The following NOS1AP variants were observed in gnomAD, a reference collection of about 807,000 sequenced individuals.
NOS1AP encodes the protein carboxyl-terminal PDZ ligand of neuronal nitric oxide synthase protein.
Under a neutral mutation model 56.2 loss-of-function variants are expected in NOS1AP, and 21 were observed. The ratio of observed to expected loss-of-function variants is 0.37; its 90% CI spans 0.26 to 0.54. NOS1AP has a LOEUF of 0.54. Among genes scored for constraint, NOS1AP ranks in the 20% least tolerant of loss-of-function variants. NOS1AP has a pLI of 0.84. For synonymous variants in NOS1AP, 270 were observed against 274.6 expected (o/e 0.98, Z 0.17); for missense variants, 522 against 657.8 (o/e 0.79, Z 2.26).
chr1:162,277,419 C>T (rs1003619329), intron 2 of NOS1AP, among the ~76,000 whole-genome samples: 1 of 151,848 alleles, frequency 6.6e-6, no homozygotes, highest in Non-Finnish European at 1.5e-5. Context: ...TCATACCTTT[C>T]ATTATACCAC....
intron 2 of NOS1AP, among the ~76,000 whole-genome samples, chr1:162,219,296 G>T (rs891359112): frequency 6.6e-6 from 1 of 152,210 alleles, no homozygotes; most frequent in African/African-American, 2.4e-5. Context: ...ATTAGTAGCA[G>T]TCGTCTCTAA....
At position 162,188,362 on chromosome 1, in the gene NOS1AP, T is replaced by C. The variant is rs1651508837; in HGVS notation, c.177+33886T>C. Among the ~76,000 whole-genome samples the C allele has an allele frequency of 6.6e-6, 1 of 152,208 alleles. No homozygotes were observed. Among genetic ancestry groups the C allele is most frequent in the South Asian group, 2.1e-4 (1 of 4,830 alleles). ...CTTCTCTATATTTCTGTTGCTGGAA[T>C]TGGGCTCACACACTGTCTCTTTATA... On this transcript the variant is annotated intron_variant, in intron 2 of 9. Coordinates refer to ENST00000361897, the MANE Select transcript of NOS1AP (RefSeq NM_014697.3). This position sits in a 1 kb window ranked among gnomAD's most constrained non-coding sequence, Gnocchi z 4.0.
intron 2 of NOS1AP, among the ~76,000 whole-genome samples, chr1:162,224,089 T>C (rs1652869342): frequency 6.6e-6 from 1 of 152,052 alleles, no homozygotes; most frequent in Non-Finnish European, 1.5e-5. Flanking sequence ...TTAAAGGCTG[T>C]AGAGTCATTA....
At chr1:162,150,008 T>C (rs1481544482) in intron 1 of NOS1AP, among the ~76,000 whole-genome samples, 1 of 152,258 alleles carries the variant, frequency 6.6e-6, no homozygotes, top group Non-Finnish European at 1.5e-5. Flanking sequence ...CTTTCTGTTA[T>C]TTTTAAATGT....
chr1:162,178,605 C>T (rs988980927), intron 2 of NOS1AP, among the ~76,000 whole-genome samples: 2 of 152,160 alleles, frequency 1.3e-5, no homozygotes, highest in African/African-American at 2.4e-5. Flanking sequence ...ACACTCATCC[C>T]TCCTGATGCC....
Position 162,153,214 on chromosome 1 carries a change from C to T in NOS1AP, c.106-1191C>T, listed in dbSNP as rs189507087. 2.7e-4 allele frequency among the ~76,000 whole-genome samples: 41 copies of T among 152,324 alleles called. No individual in the cohort carries two copies. In the South Asian group the frequency reaches 6.6e-3, roughly 25 times the overall value. On this transcript the variant is annotated intron_variant, in intron 1 of 9. Coordinates refer to ENST00000361897, the MANE Select transcript of NOS1AP (RefSeq NM_014697.3). ...CACGATCTCAGCTCAGTGCAACCTC[C>T]GCCTCCTGGGTTCAAGCAATTCTCA...
chr1:162,200,954 G>A (rs1388249795), intron 2 of NOS1AP, among the ~76,000 whole-genome samples: 5 of 152,126 alleles, frequency 3.3e-5, no homozygotes, highest in East Asian at 1.9e-4. Context: ...GGTTTGTTAC[G>A]TAGGTAAACA....
intron 1 of NOS1AP, among the ~76,000 whole-genome samples, chr1:162,129,045 T>C (rs1382639629): frequency 6.6e-6 from 1 of 152,180 alleles, no homozygotes; most frequent in Non-Finnish European, 1.5e-5. Flanking sequence ...AAGTAATACA[T>C]TGTTGTATGC....
intron 8 of NOS1AP, chr1:162,364,021 G>C (rs1391697407): frequency 1.0e-6 from 1 of 985,428 alleles, no homozygotes; most frequent in Non-Finnish European, 1.2e-6. Flanking sequence ...TCTGAGTGCT[G>C]GTTGCTGGGA....
intron 2 of NOS1AP, among the ~76,000 whole-genome samples, chr1:162,214,162 G>A (rs768523348): frequency 2.0e-4 from 30 of 152,206 alleles, no homozygotes; most frequent in Non-Finnish European, 7.3e-5. Context: ...TGGTGTGCCT[G>A]TGGGACCAGA....
At chr1:162,164,110 G>A (rs1402015409) in intron 2 of NOS1AP, among the ~76,000 whole-genome samples, 2 of 152,182 alleles carry the variant, frequency 1.3e-5, no homozygotes, top group Admixed American at 6.5e-5. Context: ...ATGTTATTGA[G>A]TTTCCACGGG....
chr1:162,333,132 A>C lies in NOS1AP; in HGVS notation c.453+7A>C, dbSNP rs1009640095. The stretch of plus-strand genomic sequence containing the variant: ...CTTTAAATCCAAGAAGAAGGTAAAG[A>C]GGCGGTTGCCGTCCATCTGCTATTT... On this transcript the variant is annotated splice_region_variant and intron_variant, in intron 5 of 9. Transcript: ENST00000361897. 1.5e-5 allele frequency: 24 copies of C among 1,596,446 alleles called. No homozygotes were observed. Among genetic ancestry groups the C allele is most frequent in the Admixed American group, 1.3e-4 (8 of 59,948 alleles).
chr1:162,316,698 C>T (rs555498219), intron 4 of NOS1AP, among the ~76,000 whole-genome samples: 6 of 152,068 alleles, frequency 3.9e-5, no homozygotes, highest in African/African-American at 1.4e-4. Context: ...GAGTTAAGAG[C>T]AATGTTTTAG....
intron 6 of NOS1AP, among the ~76,000 whole-genome samples, chr1:162,349,555 C>G (rs188324680): frequency 1.7e-4 from 26 of 152,348 alleles, no homozygotes; most frequent in Non-Finnish European, 3.1e-4. Flanking sequence ...ATTTCATGCT[C>G]TCTCTGGAGC....
intron 2 of NOS1AP, among the ~76,000 whole-genome samples, chr1:162,178,907 T>G (rs951831532): frequency 1.3e-5 from 2 of 152,192 alleles, no homozygotes; most frequent in African/African-American, 4.8e-5. Flanking sequence ...ACTAGTTTAG[T>G]CCGTCTTATA....
chr1:162,235,140 C>CTT (rs11448599), intron 2 of NOS1AP, among the ~76,000 whole-genome samples: 68 of 150,774 alleles, frequency 4.5e-4, no homozygotes, highest in Admixed American at 3.3e-3. Context: ...CATTTTAAAA[C>CTT]TTTTTTTTTT....
chr1:162,322,824 G>A (rs747106481), intron 4 of NOS1AP, among the ~76,000 whole-genome samples: 1 of 152,144 alleles, frequency 6.6e-6, no homozygotes, highest in Non-Finnish European at 1.5e-5. Context: ...TGTAACATGG[G>A]ACTAATTTCT....
chr1:162,367,219 T>C lies in NOS1AP; in HGVS notation c.1273T>C (p.Leu425=). 1 of 1,613,912 alleles carries C rather than the reference T, an allele frequency of 6.2e-7. No individual in the cohort carries two copies. The highest frequency in any genetic ancestry group is 8.5e-7 in the Non-Finnish European group (1 of 1,179,972). The change falls in exon 10 of 10, where the codon TTG becomes CTG. Residue 425 remains leucine (L), a synonymous_variant. Coordinates refer to ENST00000361897, the MANE Select transcript of NOS1AP (RefSeq NM_014697.3). The surrounding 1 kb of genome is among the most constrained non-coding windows in gnomAD (Gnocchi z 6.5). ...AGSPLGRRDC[L]VKLECFRFLP... is the part of the protein sequence containing the mutation. ...CAGCCCCTTAGGTAGGCGCGACTGCTTGGTGAAGCTGGAGTGCTTTCGCTT... is the reference window on the plus strand; with the variant it reads ...CAGCCCCTTAGGTAGGCGCGACTGCCTGGTGAAGCTGGAGTGCTTTCGCTT...
At chr1:162,243,124 T>C (rs1388110723) in intron 2 of NOS1AP, among the ~76,000 whole-genome samples, 1 of 152,178 alleles carries the variant, frequency 6.6e-6, no homozygotes, top group East Asian at 1.9e-4. Flanking sequence ...GCTTCTGCTT[T>C]AGGAGTGATA....
Sources: gnomAD v4.1 joint callset for allele counts (sites outside exome capture counted in the v4.1 genomes callset) on GRCh38, gnomAD v4.1.1 for gene constraint, Gnocchi (gnomAD v3.1) non-coding constraint, MANE v1.5 for transcripts, NCBI Gene and HGNC (gene_info 2026-07-23, HGNC 2026-07-21) for gene names.